Variants in COL13A1 observed in about 807,000 individuals in gnomAD.
COL13A1 encodes the protein collagen type XIII alpha 1 chain.
Under a neutral mutation model 130.9 loss-of-function variants are expected in COL13A1, and 89 were observed. That is an observed-to-expected ratio of 0.68 (90% confidence interval 0.57 to 0.81). COL13A1 has a LOEUF of 0.81. Among genes scored for constraint, COL13A1 ranks in the 30% least tolerant of loss-of-function variants. COL13A1 has a pLI of 0.00. For synonymous variants in COL13A1, 402 were observed against 341.6 expected (o/e 1.18, Z -1.95); for missense variants, 879 against 934.6 (o/e 0.94, Z 0.78).
intron 7 of COL13A1, 96 bp from the exon 8 acceptor site, chr10:69,887,360 T>C: frequency 5.4e-6 from 7 of 1,297,046 alleles, no homozygotes; most frequent in Non-Finnish European, 7.7e-6. Flanking sequence ...TCACACAAAG[T>C]GAGAGGGATG....
At chr10:69,926,820 G>T (rs2065425669) in intron 26 of COL13A1, among the ~76,000 whole-genome samples, 1 of 152,162 alleles carries the variant, frequency 6.6e-6, no homozygotes, top group Admixed American at 6.5e-5. Flanking sequence ...CATTTAGGGT[G>T]TGCCTGAGTC....
At chr10:69,869,100 G>A (rs1471767917) in intron 3 of COL13A1, among the ~76,000 whole-genome samples, 1 of 152,176 alleles carries the variant, frequency 6.6e-6, no homozygotes, top group Non-Finnish European at 1.5e-5. Context: ...ACAGCTCTGA[G>A]TCCCTGCCTG....
chr10:69,915,536 A>G (rs1261423526), intron 17 of COL13A1, among the ~76,000 whole-genome samples: 1 of 152,246 alleles, frequency 6.6e-6, no homozygotes, highest in Non-Finnish European at 1.5e-5. Flanking sequence ...TGCCGATTAC[A>G]AACGCTAAGT....
intron 1 of COL13A1, among the ~76,000 whole-genome samples, chr10:69,816,202 T>G (rs1844460029): frequency 6.9e-6 from 1 of 145,542 alleles, no homozygotes; most frequent in Non-Finnish European, 1.5e-5. Context: ...GTCATGGAGG[T>G]GGTGAGAAGG....
intron 32 of COL13A1, among the ~76,000 whole-genome samples, chr10:69,936,161 GAAGGAAGGAAGGAAGGA>G (rs766579416): frequency 0.43 from 11,061 of 25,822 alleles, 1,404 homozygotes; most frequent in Middle Eastern, 0.56. Context: ...AGGAAGGAAG[GAAGGAAGGAAGGAAGGA>G]AAGGAAAGGA....
At chr10:69,812,654 C>T (rs1392114111) in intron 1 of COL13A1, among the ~76,000 whole-genome samples, 3 of 152,186 alleles carry the variant, frequency 2.0e-5, no homozygotes, top group African/African-American at 4.8e-5. Context: ...TTAGTTTCCT[C>T]GCTCATGTAA....
rs539705735 is a variant in COL13A1 at position 69,901,733 on chromosome 10, CTT to C, written c.751-1013_751-1012del. Among the ~76,000 whole-genome samples, 591 of 152,272 alleles carry C rather than the reference CTT, an allele frequency of 3.9e-3. 6 individuals carry two copies. The highest frequency in any genetic ancestry group is 0.014 in the African/African-American group (561 of 41,548). ...CAGACTTGGTTTAGATCTAAGATGACTTTGTGTTGCCCCAGCCCTGAAATCTG... is the reference window on the plus strand; with the variant it reads ...CAGACTTGGTTTAGATCTAAGATGACTGTGTTGCCCCAGCCCTGAAATCTG... On this transcript the variant is annotated intron_variant, in intron 14 of 40. Transcript: ENST00000645393.
intron 14 of COL13A1, 111 bp from the exon 15 acceptor site, chr10:69,902,637 C>A (rs1395872182): frequency 1.2e-6 from 1 of 824,254 alleles, no homozygotes; most frequent in Non-Finnish European, 1.9e-6. Flanking sequence ...CATCACCACT[C>A]CTTCCCGGCA....
intron 2 of COL13A1, among the ~76,000 whole-genome samples, chr10:69,844,923 G>A (rs1262587300): frequency 6.6e-6 from 1 of 152,224 alleles, no homozygotes; most frequent in South Asian, 2.1e-4. Flanking sequence ...GAGAGCCTGG[G>A]CTCTGTTTTG....
At chr10:69,898,427 C>T (rs968451435) in intron 13 of COL13A1, among the ~76,000 whole-genome samples, 2 of 152,194 alleles carry the variant, frequency 1.3e-5, no homozygotes, top group South Asian at 4.1e-4. Context: ...ACCTGGAGGC[C>T]GAGGCCGGGT....
chr10:69,913,578 C>G (rs999687329), intron 17 of COL13A1, among the ~76,000 whole-genome samples: 25 of 152,218 alleles, frequency 1.6e-4, no homozygotes, highest in Non-Finnish European at 1.5e-5. Flanking sequence ...CTGTCCTCCT[C>G]GGGCAATAAC....
At position 69,929,010 on chromosome 10, in the gene COL13A1, T is replaced by C. The variant is rs1347037119; in HGVS notation, c.1485+11T>C. The C allele has an allele frequency of 1.9e-6, 3 of 1,611,128 alleles. No individual in the cohort carries two copies. In the South Asian group the frequency reaches 3.3e-5, roughly 18 times the overall value. ...ATTCCAGGCCAGAAGGTAAATCTTATCTTGACAAAGGGGGTGAAGACTTTG... is the reference window on the plus strand; with the variant it reads ...ATTCCAGGCCAGAAGGTAAATCTTACCTTGACAAAGGGGGTGAAGACTTTG... On this transcript the variant is annotated intron_variant, in intron 28 of 40. Coordinates refer to ENST00000645393, the MANE Select transcript of COL13A1 (RefSeq NM_001368882.1).
chr10:69,947,432 C>T (rs1172822558), intron 38 of COL13A1, 90 bp downstream of exon 38: 31 of 1,272,170 alleles, frequency 2.4e-5, no homozygotes, highest in African/African-American at 6.0e-5. Flanking sequence ...ACCAACATGG[C>T]GAACAGTTTT....
chr10:69,927,013 T>C, intron 26 of COL13A1, 74 bp from the exon 27 acceptor site: 1 of 1,605,408 alleles, frequency 6.2e-7, no homozygotes, highest in Non-Finnish European at 8.5e-7. Flanking sequence ...CATGTTTCCA[T>C]GACTGTGCAG....
chr10:69,840,726 G>T (rs1183464967), intron 2 of COL13A1, among the ~76,000 whole-genome samples: 1 of 152,164 alleles, frequency 6.6e-6, no homozygotes, highest in Non-Finnish European at 1.5e-5. Context: ...AGGGATCTGG[G>T]TAAAAGAACA....
Position 69,904,916 on chromosome 10 carries a change from T to C in COL13A1, c.859-17T>C, listed in dbSNP as rs544095492. On this transcript the variant is annotated splice_polypyrimidine_tract_variant and intron_variant, in intron 15 of 40. Coordinates refer to ENST00000645393, the MANE Select transcript of COL13A1 (RefSeq NM_001368882.1). The stretch of plus-strand genomic sequence containing the variant: ...ACCTTTTCTTTTTTCTTTTTTTTTT[T>C]TTTTTTGCTTCCACAGGGCTTACCT... 1.3e-6 allele frequency: 2 copies of C among 1,539,490 alleles called. No homozygotes were observed. The highest frequency in any genetic ancestry group is 2.4e-5 in the South Asian group (2 of 82,886).
chr10:69,883,278 G>C (rs2060314567), intron 7 of COL13A1, among the ~76,000 whole-genome samples: 1 of 152,176 alleles, frequency 6.6e-6, no homozygotes, highest in Non-Finnish European at 1.5e-5. Flanking sequence ...AGCAGGCCCT[G>C]GGCAGAGGAT....
intron 1 of COL13A1, among the ~76,000 whole-genome samples, chr10:69,807,740 A>G (rs948036624): frequency 3.3e-5 from 5 of 152,290 alleles, no homozygotes; most frequent in African/African-American, 1.2e-4. Context: ...GGTTTCCTCA[A>G]ATGCAGCCAG....
At position 69,947,350 on chromosome 10, in the gene COL13A1, T is replaced by A. The variant is rs2068711149; in HGVS notation, c.2058+8T>A. 1 of 1,610,148 alleles carries A rather than the reference T, an allele frequency of 6.2e-7. No individual in the cohort carries two copies. Among genetic ancestry groups the A allele is most frequent in the East Asian group, 2.2e-5 (1 of 44,708 alleles). On this transcript the variant is annotated splice_region_variant and intron_variant, in intron 38 of 40. Coordinates refer to ENST00000645393, the MANE Select transcript of COL13A1 (RefSeq NM_001368882.1). ...GGGGACAAGGGAAACCGGGTGAGTC[T>A]GAGCCCCTGCACTCGTGCTCTAGTT...
Sources: gnomAD v4.1 joint callset for allele counts (sites outside exome capture counted in the v4.1 genomes callset) on GRCh38, gnomAD v4.1.1 for gene constraint, MANE v1.5 for transcripts, NCBI Gene and HGNC (gene_info 2026-07-23, HGNC 2026-07-21) for gene names.